Variants in BRD9 observed in about 807,000 individuals in gnomAD.
The protein encoded by BRD9 is bromodomain containing 9.
In BRD9, 47 loss-of-function variants were observed where a neutral mutation model predicts 68.7. The ratio of observed to expected loss-of-function variants is 0.68; its 90% CI spans 0.54 to 0.87. The LOEUF (loss-of-function observed/expected upper bound fraction) is 0.87, where lower values mean the gene tolerates loss of function less well. Ranked by LOEUF, BRD9 falls within the 40% of genes least tolerant of loss-of-function variation. The probability of loss-of-function intolerance (pLI) is 0.00; values close to 1 mark genes in which losing one functional copy is unlikely to be tolerated. For synonymous variants in BRD9, 313 were observed against 293.9 expected (o/e 1.06, Z -0.67); for missense variants, 670 against 748.4 (o/e 0.90, Z 1.22).
Position 882,955 on chromosome 5 carries a change from C to A in BRD9, c.966+983G>T, listed in dbSNP as rs867297295. 3.3e-4 allele frequency: 90 copies of A among 273,800 alleles called. 1 individual carries two copies. In the Middle Eastern group the frequency reaches 7.9e-3, roughly 24 times the overall value. The allele number at this position is 273,800 out of a possible 1,614,324, so 17.0% of individuals were successfully genotyped here. A position where few individuals can be genotyped will look rare whatever the true frequency, so the allele number is the denominator to read the frequency against. ...AACATGCAAGCCACGTGAACCACAA[C>A]CTCCCAACACACAAGCCACGCAGAC... On this transcript the variant is annotated intron_variant, in intron 8 of 15. Coordinates refer to ENST00000467963, the MANE Select transcript of BRD9 (RefSeq NM_023924.5).
At chr5:888,678 T>C (rs139099495) in intron 5 of BRD9, among the ~76,000 whole-genome samples, 81 of 152,254 alleles carry the variant, frequency 5.3e-4, no homozygotes, top group African/African-American at 1.8e-3. Flanking sequence ...AACTAAGAAT[T>C]AAAAAGAAGT....
intron 5 of BRD9, among the ~76,000 whole-genome samples, chr5:888,633 C>T (rs1271010473): frequency 2.0e-5 from 3 of 152,112 alleles, no homozygotes; most frequent in Non-Finnish European, 4.4e-5. Flanking sequence ...ACTTACTATG[C>T]TAAAAAAACT....
At position 892,713 on chromosome 5, in the gene BRD9, G is replaced by T. The variant is rs1376397658; in HGVS notation, c.-56C>A. 1 of 1,299,940 alleles carries T rather than the reference G, an allele frequency of 7.7e-7. No individual in the cohort carries two copies. Among genetic ancestry groups the T allele is most frequent in the African/African-American group, 1.6e-5 (1 of 64,428 alleles). The allele number at this position is 1,299,940 out of a possible 1,614,324, so 80.5% of individuals were successfully genotyped here. A position where few individuals can be genotyped will look rare whatever the true frequency, so the allele number is the denominator to read the frequency against. On this transcript the variant is annotated 5_prime_UTR_variant, in exon 1 of 16. Coordinates refer to ENST00000467963, the MANE Select transcript of BRD9 (RefSeq NM_023924.5). ...GCTGGGAACAGCTGGCACCCGGTCG[G>T]ACCTTGGCCGCCACCGCCCCCTGGC... is the stretch of plus-strand genomic sequence containing the variant.
chr5:889,687 G>C, intron 3 of BRD9, 40 bp from the exon 4 acceptor site: 1 of 1,606,576 alleles, frequency 6.2e-7, no homozygotes, highest in Admixed American at 1.7e-5. Flanking sequence ...ACAAGACTTT[G>C]GTATCCCTTC....
rs568656936 is a variant in BRD9 at position 889,580 on chromosome 5, G to A, written c.461+7C>T. The stretch of plus-strand genomic sequence containing the variant: ...GACACTAGCTCTTCAGAAACGCCCC[G>A]GTTTACCTCTGAAGCTGGCGGAGGA... On this transcript the variant is annotated splice_region_variant and intron_variant, in intron 4 of 15. Coordinates refer to ENST00000467963, the MANE Select transcript of BRD9 (RefSeq NM_023924.5). 38 of 1,613,440 alleles carry A rather than the reference G, an allele frequency of 2.4e-5. No individual in the cohort carries two copies. Among genetic ancestry groups the A allele is most frequent in the East Asian group, 6.7e-5 (3 of 44,834 alleles).
chr5:865,514 C>A lies in BRD9; in HGVS notation c.1593G>T (p.Leu531=), dbSNP rs771967215. 1.2e-6 allele frequency: 2 copies of A among 1,608,068 alleles called. No homozygotes were observed. Among genetic ancestry groups the A allele is most frequent in the Non-Finnish European group, 1.7e-6 (2 of 1,179,198 alleles). The change falls in exon 15 of 16, where the codon CTG becomes CTT. Residue 531 remains leucine (L), a synonymous_variant. Coordinates refer to ENST00000467963, the MANE Select transcript of BRD9 (RefSeq NM_023924.5). ...CCGCCTGTGCTTCGTGCAGGTCCTG[C>A]AGGAGCTTCGTCGTCTCATCCAAGT... The part of the protein sequence containing the change: ...HLNLDETTKL[L]QDLHEAQAER...
chr5:892,000 C>T (rs1753496918), intron 1 of BRD9, 146 bp from the exon 2 acceptor site: 4 of 1,317,230 alleles, frequency 3.0e-6, no homozygotes, highest in South Asian at 1.5e-5. Flanking sequence ...GAAGGGAAGA[C>T]CACAGTGGCG....
chr5:875,549 C>T (rs1448034894), intron 12 of BRD9, among the ~76,000 whole-genome samples: 1 of 152,070 alleles, frequency 6.6e-6, no homozygotes, highest in East Asian at 1.9e-4. Flanking sequence ...GGGGTTTCAC[C>T]GTGTTAGCCA....
intron 8 of BRD9, 58 bp from the exon 9 acceptor site, chr5:881,240 G>T (rs1235523649): frequency 1.3e-6 from 2 of 1,529,104 alleles, no homozygotes; most frequent in East Asian, 2.3e-5. Flanking sequence ...CAGCACAAAT[G>T]AAATGAAGAC....
intron 3 of BRD9, among the ~76,000 whole-genome samples, chr5:890,677 T>C (rs1753223058): frequency 6.6e-6 from 1 of 152,146 alleles, no homozygotes; most frequent in South Asian, 2.1e-4. Flanking sequence ...CCAAGGGGAA[T>C]TACCTGCGTT....
intron 13 of BRD9, among the ~76,000 whole-genome samples, chr5:870,990 C>CT (rs148077764): frequency 0.034 from 5,212 of 152,064 alleles, 127 homozygotes; most frequent in Non-Finnish European, 0.049. Context: ...TACAGCCACC[C>CT]TAACACATAC....
At chr5:872,190 T>C (rs1750244974) in intron 12 of BRD9, among the ~76,000 whole-genome samples, 1 of 152,226 alleles carries the variant, frequency 6.6e-6, no homozygotes, top group Non-Finnish European at 1.5e-5. Context: ...GATGCTGTAG[T>C]ATATGCACTC....
intron 12 of BRD9, among the ~76,000 whole-genome samples, chr5:871,813 C>T (rs527644917): frequency 1.3e-5 from 2 of 152,328 alleles, no homozygotes; most frequent in South Asian, 4.1e-4. Flanking sequence ...CTCCACAGGG[C>T]GAGATGGAGC....
In BRD9 at chr5:881,088, G is replaced by C; in HGVS notation, c.1042+19C>G. On this transcript the variant is annotated intron_variant, in intron 9 of 15. Transcript: ENST00000467963. ...GCAGTGTACGGAGAGCATAAAGCCA[G>C]CCCTGAGCGGGCACCCACCATCAGC... is the stretch of plus-strand genomic sequence containing the variant. The C allele has an allele frequency of 6.2e-7, 1 of 1,613,234 alleles. No homozygotes were observed. Among genetic ancestry groups the C allele is most frequent in the Non-Finnish European group, 8.5e-7 (1 of 1,179,474 alleles).
chr5:871,690 A>G (rs1431981904), intron 12 of BRD9, 126 bp from the exon 13 acceptor site: 15 of 894,648 alleles, frequency 1.7e-5, no homozygotes, highest in Admixed American at 7.0e-5. Context: ...CCCCAGTCAC[A>G]CCATCTTAAT....
intron 6 of BRD9, among the ~76,000 whole-genome samples, chr5:887,127 C>G (rs1752688066): frequency 6.6e-6 from 1 of 152,230 alleles, no homozygotes; most frequent in East Asian, 1.9e-4. Context: ...CACCTGACAC[C>G]CAGGCTTAAG....
At chr5:871,777 G>A (rs867824877) in intron 12 of BRD9, among the ~76,000 whole-genome samples, 3 of 152,316 alleles carry the variant, frequency 2.0e-5, no homozygotes, top group Middle Eastern at 3.4e-3. Flanking sequence ...CCTCCTCAGC[G>A]CCAGGATTGT....
chr5:869,076 C>G (rs529627928), intron 14 of BRD9: 3 of 284,334 alleles, frequency 1.1e-5, no homozygotes, highest in African/African-American at 6.9e-5. Flanking sequence ...CAGACTTGAG[C>G]TCTATGAATT....
intron 12 of BRD9, among the ~76,000 whole-genome samples, chr5:873,534 C>T (rs958284591): frequency 6.6e-6 from 1 of 152,200 alleles, no homozygotes; most frequent in African/African-American, 2.4e-5. Context: ...GACATGTAAC[C>T]TCTGTGTCCT....
Sources: allele counts gnomAD v4.1 joint callset (sites outside exome capture counted in the v4.1 genomes callset), GRCh38; gene constraint gnomAD v4.1.1; transcripts MANE v1.5; gene names NCBI Gene and HGNC (gene_info 2026-07-23, HGNC 2026-07-21).